HMCN1: variants seen among roughly 807,000 people sequenced by gnomAD.
The protein encoded by HMCN1 is hemicentin-1.
A neutral mutation model predicts 625.9 loss-of-function variants in HMCN1; 321 were observed. The ratio of observed to expected loss-of-function variants is 0.51; its 90% CI spans 0.47 to 0.56. The LOEUF (loss-of-function observed/expected upper bound fraction) is 0.56. Among genes scored for constraint, HMCN1 ranks in the 20% least tolerant of loss-of-function variants. The pLI, the probability that HMCN1 is intolerant of heterozygous loss-of-function variation, is 0.00. For missense variants in HMCN1, 6,588 were observed against 6,887.3 expected, an observed-to-expected ratio of 0.96 and a Z score of 1.54; for synonymous variants, 2,425 against 2,417.6, an observed-to-expected ratio of 1.00 and a Z score of -0.09.
Position 186,000,522 on chromosome 1 carries a change from G to A in HMCN1, c.4069+283G>A, listed in dbSNP as rs78383104. Among the ~76,000 whole-genome samples the A allele has an allele frequency of 2.2e-3, 337 of 150,838 alleles. 2 individuals are homozygous for A. Among genetic ancestry groups the A allele is most frequent in the African/African-American group, 7.9e-3 (325 of 41,032 alleles). ...CTACTTATCCTCTATTTGGGATAAA[G>A]GAAAGTTATCAGCGTGTAGGGTGTG... On this transcript the variant is annotated intron_variant, in intron 26 of 106. Transcript: ENST00000271588.
chr1:185,970,683 G>C (rs1650750025), intron 15 of HMCN1, among the ~76,000 whole-genome samples, 190 bp downstream of exon 15: 1 of 151,374 alleles, frequency 6.6e-6, no homozygotes, highest in Non-Finnish European at 1.5e-5. Context: ...TTTTGATACG[G>C]AGTCTCACTC....
chr1:185,920,517 G>A (rs183987500), intron 6 of HMCN1, among the ~76,000 whole-genome samples: 2 of 152,020 alleles, frequency 1.3e-5, no homozygotes, highest in Admixed American at 1.3e-4. Context: ...TTCTTATTTT[G>A]CATACTTTAT....
chr1:185,837,591 A>G (rs927654972), intron 1 of HMCN1, among the ~76,000 whole-genome samples: 2 of 151,886 alleles, frequency 1.3e-5, no homozygotes, highest in East Asian at 3.9e-4. Flanking sequence ...GATCTCTTAT[A>G]TTGCTTTGAA....
At chr1:186,181,220 T>C (rs1299655214) in intron 104 of HMCN1, among the ~76,000 whole-genome samples, 2 of 152,166 alleles carry the variant, frequency 1.3e-5, no homozygotes, top group Non-Finnish European at 2.9e-5. Flanking sequence ...AACACTTTGG[T>C]TAACTAGTCT....
chr1:186,072,224 A>G (rs1274654550), intron 52 of HMCN1, among the ~76,000 whole-genome samples: 1 of 152,194 alleles, frequency 6.6e-6, no homozygotes, highest in Non-Finnish European at 1.5e-5. Flanking sequence ...AGTGTTTTCA[A>G]GAAAAGAAAC....
chr1:185,844,716 A>AAAT (rs1661704454), intron 1 of HMCN1, among the ~76,000 whole-genome samples: 1 of 152,212 alleles, frequency 6.6e-6, no homozygotes, highest in Admixed American at 6.5e-5. Flanking sequence ...ATATCTAAGC[A>AAAT]CATGGTACCC....
At chr1:186,030,689 C>T (rs1342569999) in intron 36 of HMCN1, among the ~76,000 whole-genome samples, 3 of 151,884 alleles carry the variant, frequency 2.0e-5, no homozygotes, top group Non-Finnish European at 4.4e-5. Context: ...AATTTAACTA[C>T]TGATGTGGTA....
At chr1:185,919,368 A>G (rs1341485947) in intron 6 of HMCN1, among the ~76,000 whole-genome samples, 1 of 151,954 alleles carries the variant, frequency 6.6e-6, no homozygotes, top group Non-Finnish European at 1.5e-5. Context: ...ATTTGTGTTG[A>G]TTATACCTTT....
At chr1:185,904,067 T>A (rs1665959629) in intron 4 of HMCN1, among the ~76,000 whole-genome samples, 1 of 151,880 alleles carries the variant, frequency 6.6e-6, no homozygotes, top group African/African-American at 2.4e-5. Context: ...GCAAGGGGAT[T>A]CATGGCTTTA....
intron 1 of HMCN1, among the ~76,000 whole-genome samples, chr1:185,771,597 A>T (rs1379583499): frequency 6.6e-6 from 1 of 152,152 alleles, no homozygotes; most frequent in Non-Finnish European, 1.5e-5. Flanking sequence ...AGATAAATGA[A>T]TTTTTCAGAT....
chr1:185,792,048 T>A (rs1185866175), intron 1 of HMCN1, among the ~76,000 whole-genome samples: 1 of 152,176 alleles, frequency 6.6e-6, no homozygotes, highest in Non-Finnish European at 1.5e-5. Flanking sequence ...CAATAAATCT[T>A]GCCCTCAAGA....
intron 45 of HMCN1, among the ~76,000 whole-genome samples, chr1:186,056,178 T>C (rs1657307200): frequency 6.6e-6 from 1 of 152,030 alleles, no homozygotes; most frequent in Non-Finnish European, 1.5e-5. Flanking sequence ...ATTTGAACTA[T>C]AATTTTTATA....
chr1:186,105,805 A>T (rs906117421), intron 69 of HMCN1, among the ~76,000 whole-genome samples: 1 of 152,212 alleles, frequency 6.6e-6, no homozygotes, highest in Admixed American at 6.5e-5. Context: ...TGATGGTTCA[A>T]GTTTGGCTGA....
intron 1 of HMCN1, among the ~76,000 whole-genome samples, chr1:185,841,834 C>T (rs904630209): frequency 3.9e-5 from 6 of 152,160 alleles, no homozygotes; most frequent in African/African-American, 1.4e-4. Context: ...GGTTATAAGG[C>T]TTCAAGTGGA....
At chr1:185,953,868 C>G (rs981253549) in intron 11 of HMCN1, among the ~76,000 whole-genome samples, 1 of 149,134 alleles carries the variant, frequency 6.7e-6, no homozygotes, top group Non-Finnish European at 1.5e-5. Context: ...AGAGAGTCAG[C>G]AAAGGGAGAT....
In HMCN1 at chr1:186,144,336, T is replaced by C; in HGVS notation, c.14088T>C (p.Asn4696=). 6.2e-7 allele frequency: 1 copy of C among 1,613,330 alleles called. No homozygotes were observed. The highest frequency in any genetic ancestry group is 1.1e-5 in the South Asian group (1 of 91,044). Residue 4696 remains asparagine (N), a synonymous_variant, in exon 90 of 107, where the codon AAT becomes AAC. Coordinates refer to ENST00000271588, the MANE Select transcript of HMCN1 (RefSeq NM_031935.3). ...ETQMQVCNER[N]CPIHGKWATW... ...AGATGCAAGTTTGCAATGAAAGAAA[T>C]TGTCCAAGTAAGAGAAATACACTGT...
chr1:185,981,016 G>A lies in HMCN1; in HGVS notation c.2605G>A (p.Ala869Thr). The A allele has an allele frequency of 6.2e-7, 1 of 1,612,652 alleles. No individual in the cohort carries two copies. The highest frequency in any genetic ancestry group is 2.2e-5 in the East Asian group (1 of 44,860). The change falls in exon 17 of 107, where the codon GCT becomes ACT. Residue 869 changes from alanine to threonine, a missense_variant. Around this residue, in one of 3 missense-constraint regions of HMCN1, gnomAD observed 4,628 missense variants for 4,853.1 expected, o/e 0.95. Transcript: ENST00000271588. ...TGATAAAGGAACCTATATTTGTGAA[G>A]CTGAAAACCAGTTTGGAAAGATCCA... is the stretch of plus-strand genomic sequence containing the variant. ...ASDKGTYICE[A>T]ENQFGKIQSE...
intron 4 of HMCN1, among the ~76,000 whole-genome samples, chr1:185,908,424 G>A (rs1466496565): frequency 1.3e-5 from 2 of 151,958 alleles, no homozygotes; most frequent in Non-Finnish European, 2.9e-5. Flanking sequence ...TTTTCATGGT[G>A]ATATGCAGTC....
intron 9 of HMCN1, among the ~76,000 whole-genome samples, chr1:185,928,320 A>G (rs912761794): frequency 6.6e-6 from 1 of 152,092 alleles, no homozygotes; most frequent in East Asian, 1.9e-4. Context: ...TTCAATCTCT[A>G]TAATTATTGT....
Sources: gnomAD v4.1 joint callset for allele counts (sites outside exome capture counted in the v4.1 genomes callset) on GRCh38, gnomAD v4.1.1 for gene constraint, gnomAD v4.1.1 regional missense constraint, MANE v1.5 for transcripts, NCBI Gene and HGNC (gene_info 2026-07-23, HGNC 2026-07-21) for gene names.